CEP63: variants seen among roughly 807,000 people sequenced by gnomAD.
CEP63 encodes centrosomal protein of 63 kDa.
CEP63 carries 84 observed loss-of-function variants against 89.1 expected under a neutral mutation model. That is an observed-to-expected ratio of 0.94 (90% confidence interval 0.79 to 1.13). The LOEUF is 1.13. Ranked by LOEUF, CEP63 falls within the 50% of genes most tolerant of loss-of-function variation. The pLI is 0.00. For synonymous variants in CEP63, 267 were observed against 272.5 expected, an observed-to-expected ratio of 0.98 and a Z score of 0.20; for missense variants, 838 against 813.3, an observed-to-expected ratio of 1.03 and a Z score of -0.37.
chr3:134,555,967 C>T (rs1956073131), intron 12 of CEP63, among the ~76,000 whole-genome samples: 2 of 150,758 alleles, frequency 1.3e-5, no homozygotes, highest in Non-Finnish European at 3.0e-5. Context: ...AGAAATAATG[C>T]CGCATATCTA....
the CEP63 span, among the ~76,000 whole-genome samples, chr3:134,760,294 C>A: frequency 6.6e-6 from 1 of 152,054 alleles, no homozygotes; most frequent in East Asian, 1.9e-4. Context: ...CTCCTGACCT[C>A]GTGATCCGCC....
At position 134,499,622 on chromosome 3, in the gene CEP63, G is replaced by T. The variant is rs74931810; in HGVS notation, c.44+4258G>T. On this transcript the variant is annotated intron_variant, in intron 2 of 14. Transcript: ENST00000675561. ...GTTGTTTATTTGAAGTCTTTGTACTGTTTTTATTTTTTAGATTCAGGGGTA... is the reference window on the plus strand; with the variant it reads ...GTTGTTTATTTGAAGTCTTTGTACTTTTTTTATTTTTTAGATTCAGGGGTA... Among the ~76,000 whole-genome samples, 504 of 151,948 alleles carry T rather than the reference G, an allele frequency of 3.3e-3. 4 individuals carry two copies. Among genetic ancestry groups the T allele is most frequent in the African/African-American group, 0.011 (466 of 41,454 alleles).
chr3:134,521,561 T>C (rs1337438993), intron 3 of CEP63, among the ~76,000 whole-genome samples: 2 of 152,138 alleles, frequency 1.3e-5, no homozygotes, highest in East Asian at 3.9e-4. Context: ...GCAAAGTACA[T>C]TTGTATTTTT....
At chr3:134,751,369 T>G in the CEP63 span, among the ~76,000 whole-genome samples, 2 of 152,378 alleles carry the variant, frequency 1.3e-5, no homozygotes, top group Admixed American at 1.3e-4. Flanking sequence ...TTCAATTATT[T>G]TGAGTAAATA....
the CEP63 span, among the ~76,000 whole-genome samples, chr3:134,724,009 G>A: frequency 6.6e-6 from 1 of 152,186 alleles, no homozygotes; most frequent in African/African-American, 2.4e-5. Flanking sequence ...TGAAAATCCA[G>A]TATCTCTACA....
At chr3:134,551,341 A>G (rs1954777262) in intron 11 of CEP63, among the ~76,000 whole-genome samples, 1 of 152,112 alleles carries the variant, frequency 6.6e-6, no homozygotes, top group Non-Finnish European at 1.5e-5. Flanking sequence ...CTCAAACCAA[A>G]CTTAGGATAC....
intron 3 of CEP63, among the ~76,000 whole-genome samples, chr3:134,529,316 A>T (rs1437166555): frequency 6.7e-6 from 1 of 150,212 alleles, no homozygotes; most frequent in Non-Finnish European, 1.5e-5. Context: ...TCCAGTTTTT[A>T]TAAAAGAACA....
At chr3:134,525,788 T>A (rs1287783984) in intron 3 of CEP63, among the ~76,000 whole-genome samples, 1 of 152,202 alleles carries the variant, frequency 6.6e-6, no homozygotes, top group African/African-American at 2.4e-5. Context: ...GCTTGTAGGG[T>A]TTCTGCCAAG....
chr3:134,728,283 G>A, the CEP63 span, among the ~76,000 whole-genome samples: 1 of 152,212 alleles, frequency 6.6e-6, no homozygotes, highest in African/African-American at 2.4e-5. Context: ...TTTTTGGAAG[G>A]CAAATTGGAA....
the CEP63 span, among the ~76,000 whole-genome samples, chr3:134,731,258 G>T: frequency 6.6e-6 from 1 of 152,098 alleles, no homozygotes; most frequent in Non-Finnish European, 1.5e-5. Flanking sequence ...TGATAAACTT[G>T]ATTCAGTGAA....
chr3:134,771,417 A>G, the CEP63 span, among the ~76,000 whole-genome samples: 4 of 152,232 alleles, frequency 2.6e-5, no homozygotes, highest in Non-Finnish European at 5.9e-5. Context: ...ATGAGAACAC[A>G]TGGACACTTG....
At chr3:134,765,788 GCAGCAT>G in the CEP63 span, among the ~76,000 whole-genome samples, 5 of 152,184 alleles carry the variant, frequency 3.3e-5, no homozygotes, top group Non-Finnish European at 7.3e-5. Flanking sequence ...CCTTTGGCCA[GCAGCAT>G]CAGCATCACC....
chr3:134,689,117 T>A, the CEP63 span, among the ~76,000 whole-genome samples: 3 of 152,172 alleles, frequency 2.0e-5, no homozygotes, highest in Non-Finnish European at 2.9e-5. Flanking sequence ...AGCTCTTGAA[T>A]CTCCTGTTGG....
chr3:134,652,635 G>A, the CEP63 span, among the ~76,000 whole-genome samples: 1 of 145,870 alleles, frequency 6.9e-6, no homozygotes, highest in African/African-American at 2.6e-5. Context: ...TATGTGTGCA[G>A]GTACACACAC....
chr3:134,731,617 T>C, the CEP63 span, among the ~76,000 whole-genome samples: 4 of 152,120 alleles, frequency 2.6e-5, no homozygotes, highest in Non-Finnish European at 5.9e-5. Context: ...TAGTTTTATA[T>C]CTCATCTCCA....
In CEP63 at chr3:134,529,868, AT is replaced by A. The variant is rs58922185; in HGVS notation, c.223-1953del. ...GTGTTTACCAAGTCAAGGTTAAGAA[AT>A]TTTTTTTTTTTTTTTTTTTTTTTAG... On this transcript the variant is annotated intron_variant, in intron 3 of 14. Coordinates refer to ENST00000675561, the MANE Select transcript of CEP63 (RefSeq NM_001353108.3). 4.3e-3 allele frequency among the ~76,000 whole-genome samples: 448 copies of A among 103,116 alleles called. 2 individuals are homozygous for A. The highest frequency in any genetic ancestry group is 0.016 in the African/African-American group (409 of 25,660). 67.6% of individuals were successfully genotyped at this position (103,116 alleles called of 152,430 possible).
At chr3:134,579,926 G>A (rs1310282841), downstream of CEP63, among the ~76,000 whole-genome samples, 1 of 152,144 alleles carries the variant, frequency 6.6e-6, no homozygotes, top group Non-Finnish European at 1.5e-5. Context: ...AGGGCTGGGC[G>A]TGGTGGCTCA....
chr3:134,600,228 A>C, the CEP63 span, among the ~76,000 whole-genome samples: 2 of 152,194 alleles, frequency 1.3e-5, no homozygotes, highest in African/African-American at 4.8e-5. Flanking sequence ...TTTGGAGAGG[A>C]GAAAACCCAC....
chr3:134,777,958 A>G, the CEP63 span, among the ~76,000 whole-genome samples: 1 of 152,054 alleles, frequency 6.6e-6, no homozygotes, highest in Non-Finnish European at 1.5e-5. Context: ...GAGGAAATTC[A>G]GAATAAATAA....
Sources: allele counts gnomAD v4.1 joint callset (sites outside exome capture counted in the v4.1 genomes callset), GRCh38; gene constraint gnomAD v4.1.1; transcripts MANE v1.5; gene names NCBI Gene and HGNC (gene_info 2026-07-23, HGNC 2026-07-21).